PTPRT: variants seen among roughly 807,000 people sequenced by gnomAD.
PTPRT encodes the protein receptor-type tyrosine-protein phosphatase T.
A neutral mutation model predicts 176.8 loss-of-function variants in PTPRT; 56 were observed. The ratio of observed to expected loss-of-function variants is 0.32; its 90% confidence interval spans 0.26 to 0.40. PTPRT has a LOEUF of 0.40. Ranked by LOEUF, PTPRT falls within the 10% of genes least tolerant of loss-of-function variation. The pLI is 1.00. For missense variants in PTPRT, 1,540 were observed against 1,908.2 expected (o/e 0.81, Z 3.60); for synonymous variants, 783 against 739.0 (o/e 1.06, Z -0.96).
chr20:42,854,654 G>C (rs1395605041), intron 2 of PTPRT, among the ~76,000 whole-genome samples: 2 of 152,206 alleles, frequency 1.3e-5, no homozygotes, highest in Non-Finnish European at 2.9e-5. Context: ...CAGTACAGTA[G>C]CTAAAGCAAT....
intron 1 of PTPRT, among the ~76,000 whole-genome samples, chr20:43,054,583 A>C (rs1288690438): frequency 1.3e-5 from 2 of 151,838 alleles, no homozygotes; most frequent in South Asian, 2.1e-4. Context: ...AAAAAAAAAA[A>C]AACAACCTTG....
At chr20:42,189,585 T>C (rs1990914146) in intron 16 of PTPRT, among the ~76,000 whole-genome samples, 1 of 152,176 alleles carries the variant, frequency 6.6e-6, no homozygotes, top group Non-Finnish European at 1.5e-5. Flanking sequence ...AAGGTTCTAT[T>C]TATGCAGAAA....
chr20:42,855,425 C>T (rs1375372186), intron 2 of PTPRT, among the ~76,000 whole-genome samples: 6 of 141,938 alleles, frequency 4.2e-5, no homozygotes, highest in Admixed American at 6.9e-5. Flanking sequence ...AATCTATGTT[C>T]ATGCTTTTTT....
intron 1 of PTPRT, among the ~76,000 whole-genome samples, chr20:42,924,074 C>T (rs1047852550): frequency 6.6e-6 from 1 of 152,074 alleles, no homozygotes; most frequent in African/African-American, 2.4e-5. Context: ...AAGCTGGTCT[C>T]GAACTCCTAC....
intron 14 of PTPRT, among the ~76,000 whole-genome samples, chr20:42,243,966 C>T (rs886588075): frequency 1.6e-4 from 24 of 152,126 alleles, no homozygotes; most frequent in Admixed American, 1.2e-3. Flanking sequence ...ATATTAGTAA[C>T]GGGTTTGGAG....
intron 7 of PTPRT, among the ~76,000 whole-genome samples, chr20:42,505,584 G>A (rs931651819): frequency 2.6e-5 from 4 of 152,130 alleles, no homozygotes; most frequent in South Asian, 4.1e-4. Context: ...TTACAGGTGT[G>A]AGCCACCAAG....
chr20:42,511,818 C>G (rs2071963365), intron 7 of PTPRT, among the ~76,000 whole-genome samples: 1 of 152,130 alleles, frequency 6.6e-6, no homozygotes, highest in Non-Finnish European at 1.5e-5. Context: ...GACTCGCCTC[C>G]TGCTTTCTAA....
intron 16 of PTPRT, among the ~76,000 whole-genome samples, chr20:42,194,165 T>C (rs1991108059): frequency 6.6e-6 from 1 of 152,226 alleles, no homozygotes; most frequent in South Asian, 2.1e-4. Flanking sequence ...AACCATGTAT[T>C]ATTTGTGATA....
chr20:42,307,411 G>C (rs2057559348), intron 12 of PTPRT, among the ~76,000 whole-genome samples: 1 of 152,074 alleles, frequency 6.6e-6, no homozygotes, highest in South Asian at 2.1e-4. Flanking sequence ...TTTTGTTGTT[G>C]TTACTACAGA....
intron 25 of PTPRT, 150 bp downstream of exon 25, chr20:42,104,419 C>A (rs1185202744): frequency 8.8e-6 from 8 of 907,262 alleles, no homozygotes; most frequent in Non-Finnish European, 1.1e-5. Flanking sequence ...TCCCCAGACA[C>A]TGGATTTACT....
chr20:42,084,652 T>A, intron 29 of PTPRT, 30 bp downstream of exon 29: 1 of 1,397,942 alleles, frequency 7.2e-7, no homozygotes, highest in South Asian at 2.0e-5. Flanking sequence ...CACCACCCTA[T>A]TGCCCTGGTG....
At chr20:42,586,328 C>T (rs2073470948) in intron 7 of PTPRT, among the ~76,000 whole-genome samples, 1 of 152,204 alleles carries the variant, frequency 6.6e-6, no homozygotes, top group Admixed American at 6.5e-5. Flanking sequence ...GGATGTTTAG[C>T]TCCATCATTT....
chr20:42,354,729 A>G (rs1315993538), intron 9 of PTPRT, among the ~76,000 whole-genome samples: 1 of 152,222 alleles, frequency 6.6e-6, no homozygotes, highest in African/African-American at 2.4e-5. Flanking sequence ...CCCAGGCAGA[A>G]AAGGAAGCAC....
chr20:42,457,127 T>C (rs970128415), intron 8 of PTPRT, among the ~76,000 whole-genome samples: 11 of 152,174 alleles, frequency 7.2e-5, no homozygotes, highest in East Asian at 1.9e-4. Flanking sequence ...CACAAAAGCA[T>C]AAAACAATCA....
intron 1 of PTPRT, among the ~76,000 whole-genome samples, chr20:43,007,077 AAGT>A (rs1203387437): frequency 6.6e-6 from 1 of 152,196 alleles, no homozygotes; most frequent in East Asian, 1.9e-4. Flanking sequence ...ATATAAAGAG[AAGT>A]CTAGAGAGAG....
chr20:42,914,313 C>T (rs771554687), intron 1 of PTPRT, among the ~76,000 whole-genome samples: 3 of 152,164 alleles, frequency 2.0e-5, no homozygotes, highest in Admixed American at 2.0e-4. Context: ...TGGTTCATGT[C>T]AAGGAAGGTG....
intron 13 of PTPRT, among the ~76,000 whole-genome samples, chr20:42,264,851 T>A (rs1388009749): frequency 6.6e-6 from 1 of 152,232 alleles, no homozygotes; most frequent in South Asian, 2.1e-4. Context: ...GAGGCCCTGA[T>A]GGGCTCTTAC....
intron 9 of PTPRT, among the ~76,000 whole-genome samples, chr20:42,406,614 A>G (rs1238098883): frequency 1.3e-5 from 2 of 152,184 alleles, no homozygotes; most frequent in Admixed American, 1.3e-4. Context: ...ATCTCAGTCC[A>G]TATAAAAATA....
At chr20:42,383,899 C>T (rs1600929486) in intron 9 of PTPRT, among the ~76,000 whole-genome samples, 1 of 152,182 alleles carries the variant, frequency 6.6e-6, no homozygotes, top group Non-Finnish European at 1.5e-5. Flanking sequence ...AAAGTTATTG[C>T]TAGGTGATGT....
Sources: gnomAD v4.1 joint callset for allele counts (sites outside exome capture counted in the v4.1 genomes callset) on GRCh38, gnomAD v4.1.1 for gene constraint, MANE v1.5 for transcripts, NCBI Gene and HGNC (gene_info 2026-07-23, HGNC 2026-07-21) for gene names.